RNF17: variants seen among roughly 807,000 people sequenced by gnomAD.
RNF17 encodes spermatogenesis associated 23.
RNF17 carries 31 observed loss-of-function variants against 200.5 expected under a neutral mutation model. That is an observed-to-expected ratio of 0.15 (90% CI 0.12 to 0.21). The LOEUF is 0.21. Ranked by LOEUF, RNF17 falls within the 10% of genes least tolerant of loss-of-function variation. The pLI is 1.00. For synonymous variants in RNF17, 606 were observed against 637.8 expected, an observed-to-expected ratio of 0.95 and a Z score of 0.75; for missense variants, 1,628 against 1,905.1, an observed-to-expected ratio of 0.85 and a Z score of 2.71.
Position 24,778,196 on chromosome 13 carries a change from A to G in RNF17, c.318-99A>G, listed in dbSNP as rs538471330. ...ATGATCGCTGGAGCCTGGGAAGTCG[A>G]GGCTGCCATGAGCCATGATGGTGCC... is the stretch of plus-strand genomic sequence containing the variant. On this transcript the variant is annotated intron_variant, in intron 3 of 35. Coordinates refer to ENST00000255324, the MANE Select transcript of RNF17 (RefSeq NM_031277.3). 9 of 741,456 alleles carry G rather than the reference A, an allele frequency of 1.2e-5. No homozygotes were observed. In the East Asian group the frequency reaches 2.5e-4, roughly 20 times the overall value. The allele number at this position is 741,456 out of a possible 1,614,324, so 45.9% of individuals were successfully genotyped here. A position where few individuals can be genotyped will look rare whatever the true frequency, so the allele number is the denominator to read the frequency against.
intron 15 of RNF17, among the ~76,000 whole-genome samples, chr13:24,820,594 C>T (rs1887942684): frequency 6.6e-6 from 1 of 151,878 alleles, no homozygotes; most frequent in Non-Finnish European, 1.5e-5. Flanking sequence ...CACCACCACG[C>T]CCGGCTAATT....
At chr13:24,885,703 A>G in the RNF17 span, 2 of 1,501,042 alleles carry the variant, frequency 1.3e-6, no homozygotes, top group South Asian at 2.3e-5. Flanking sequence ...AGTTAGATTT[A>G]ATATTTAATT....
At chr13:24,754,338 C>T in the RNF17 span, among the ~76,000 whole-genome samples, 1 of 152,006 alleles carries the variant, frequency 6.6e-6, no homozygotes, top group African/African-American at 2.4e-5. Context: ...TCACAGACTC[C>T]AGGAGTAGAC....
intron 2 of RNF17, among the ~76,000 whole-genome samples, chr13:24,768,068 A>G (rs1880012203): frequency 6.6e-6 from 1 of 152,080 alleles, no homozygotes; most frequent in African/African-American, 2.4e-5. Context: ...TCAAATGTAC[A>G]TTTGGGAGAT....
At chr13:24,772,426 A>ATTTTTTTTT (rs34066913) in intron 2 of RNF17, among the ~76,000 whole-genome samples, 76 of 105,998 alleles carry the variant, frequency 7.2e-4, no homozygotes, top group Non-Finnish European at 1.0e-3. Context: ...TTGAGTCTCC[A>ATTTTTTTTT]TTTTTTTTTT....
intron 19 of RNF17, among the ~76,000 whole-genome samples, chr13:24,842,371 C>T (rs1461211622): frequency 1.3e-5 from 2 of 152,036 alleles, no homozygotes; most frequent in African/African-American, 2.4e-5. Context: ...CTAAGGAACC[C>T]AGAAACCAAG....
chr13:24,860,004 CTTCTGA>C (rs960068828), intron 26 of RNF17, among the ~76,000 whole-genome samples: 1 of 151,972 alleles, frequency 6.6e-6, no homozygotes, highest in African/African-American at 2.4e-5. Flanking sequence ...GATTCCTAAA[CTTCTGA>C]TTCTAAGTCT....
At chr13:24,779,826 A>G (rs1882102858) in intron 5 of RNF17, 79 bp downstream of exon 5, 2 of 1,125,596 alleles carry the variant, frequency 1.8e-6, no homozygotes, top group African/African-American at 3.1e-5. Context: ...AGATGTTACC[A>G]CTGAGGTTAG....
intron 13 of RNF17, 35 bp downstream of exon 13, chr13:24,800,569 G>A (rs45466293): frequency 0.13 from 213,485 of 1,584,118 alleles, 15,021 homozygotes; most frequent in Admixed American, 0.16. Flanking sequence ...TCCTTCAGAG[G>A]TTATTACAAT....
downstream of RNF17, among the ~76,000 whole-genome samples, chr13:24,881,528 T>C (rs1953816246): frequency 6.6e-6 from 1 of 151,874 alleles, no homozygotes; most frequent in Non-Finnish European, 1.5e-5. Flanking sequence ...ATATCATCTA[T>C]GTATCTGTAG....
chr13:24,856,251 C>T (rs763875340), intron 25 of RNF17, among the ~76,000 whole-genome samples: 24 of 151,874 alleles, frequency 1.6e-4, no homozygotes, highest in Non-Finnish European at 2.8e-4. Context: ...GAAACCCCAT[C>T]TCTACTAAAA....
intron 1 of RNF17, among the ~76,000 whole-genome samples, chr13:24,765,264 C>T (rs1879496148): frequency 6.6e-6 from 1 of 152,200 alleles, no homozygotes; most frequent in Non-Finnish European, 1.5e-5. Flanking sequence ...ATCCGCCCGT[C>T]TTGGCCTCCC....
intron 28 of RNF17, 23 bp downstream of exon 28, chr13:24,862,816 G>A (rs954495362): frequency 3.1e-6 from 4 of 1,310,698 alleles, no homozygotes; most frequent in Non-Finnish European, 4.4e-6. Context: ...ATATATAGTT[G>A]TTATAAATTA....
chr13:24,805,572 T>C (rs1885745422), intron 15 of RNF17, among the ~76,000 whole-genome samples: 1 of 152,236 alleles, frequency 6.6e-6, no homozygotes, highest in African/African-American at 2.4e-5. Flanking sequence ...TGTATGGATA[T>C]ACTACATTTT....
At chr13:24,869,647 C>G (rs1894032387) in intron 31 of RNF17, among the ~76,000 whole-genome samples, 1 of 152,204 alleles carries the variant, frequency 6.6e-6, no homozygotes, top group South Asian at 2.1e-4. Flanking sequence ...TGTCTGCTTG[C>G]AGCATGGCTA....
intron 17 of RNF17, 115 bp downstream of exon 17, chr13:24,830,714 A>AT: frequency 1.4e-6 from 1 of 729,310 alleles, no homozygotes; most frequent in Non-Finnish European, 2.4e-6. Context: ...AGTTGCTGAT[A>AT]CAGGGACTAT....
At chr13:24,799,974 A>G (rs1164442915) in intron 12 of RNF17, among the ~76,000 whole-genome samples, 1 of 152,182 alleles carries the variant, frequency 6.6e-6, no homozygotes, top group African/African-American at 2.4e-5. Context: ...GGTATTTTAA[A>G]TGGTTTTCTC....
chr13:24,797,393 TG>T, intron 11 of RNF17, among the ~76,000 whole-genome samples: 1 of 152,228 alleles, frequency 6.6e-6, no homozygotes, highest in Admixed American at 6.5e-5. Flanking sequence ...TTCCTGCCTC[TG>T]TACTTCATCA....
intron 6 of RNF17, among the ~76,000 whole-genome samples, chr13:24,782,471 T>G (rs1309117076): frequency 6.6e-6 from 1 of 152,162 alleles, no homozygotes. Flanking sequence ...GTGCTGGGAT[T>G]ACAGGTGTAC....
Sources: gnomAD v4.1 joint callset for allele counts (sites outside exome capture counted in the v4.1 genomes callset) on GRCh38, gnomAD v4.1.1 for gene constraint, MANE v1.5 for transcripts, NCBI Gene and HGNC (gene_info 2026-07-23, HGNC 2026-07-21) for gene names.